Variants in LPIN2 observed in about 807,000 individuals in gnomAD.
LPIN2 encodes the protein lipin 2, also known as phosphatidate phosphatase LPIN2.
Under a neutral mutation model 111.4 loss-of-function variants are expected in LPIN2, and 55 were observed. The ratio of observed to expected loss-of-function variants is 0.49; its 90% CI spans 0.40 to 0.62. The LOEUF is 0.62. Among genes scored for constraint, LPIN2 ranks in the 20% least tolerant of loss-of-function variants. LPIN2 has a pLI of 0.00. For synonymous variants in LPIN2, 425 were observed against 414.0 expected (o/e 1.03, Z -0.32); for missense variants, 992 against 1,112.1 (o/e 0.89, Z 1.54).
rs115314461 is a variant in LPIN2, at chr18:2,939,176, T to C, written c.822+304A>G. On this transcript the variant is annotated intron_variant, in intron 6 of 19. Coordinates refer to ENST00000677752, the MANE Select transcript of LPIN2 (RefSeq NM_001375808.2). The stretch of plus-strand genomic sequence containing the variant: ...AACTCTGTCTCCAAAAAATAAAAAA[T>C]AAAAATTCAGTGTGAAAATTTCAGT... Among the ~76,000 whole-genome samples the C allele has an allele frequency of 0.017, 2,650 of 152,202 alleles. 31 individuals carry two copies. Among genetic ancestry groups the C allele is most frequent in the Middle Eastern group, 0.031 (9 of 294 alleles).
intron 18 of LPIN2, 172 bp from the exon 19 acceptor site, chr18:2,921,053 G>C: frequency 1.5e-6 from 1 of 672,306 alleles, no homozygotes; most frequent in Non-Finnish European, 2.7e-6. Flanking sequence ...AAACTACAGA[G>C]TGGTGCTTGG....
chr18:2,945,490 C>T (rs1384495577), intron 4 of LPIN2: 1 of 895,604 alleles, frequency 1.1e-6, no homozygotes, highest in Non-Finnish European at 1.9e-6. Flanking sequence ...CAAGCCACCA[C>T]TTCACACAGT....
chr18:2,964,496 G>A (rs1282684671), intron 1 of LPIN2, among the ~76,000 whole-genome samples: 1 of 152,084 alleles, frequency 6.6e-6, no homozygotes. Context: ...CCTTCTAAGA[G>A]GAGAAAGAGA....
At chr18:2,999,384 C>T (rs2078395048) in intron 1 of LPIN2, among the ~76,000 whole-genome samples, 1 of 151,238 alleles carries the variant, frequency 6.6e-6, no homozygotes, top group Admixed American at 6.6e-5. Context: ...ATCACGAGGT[C>T]AGGAGATCGA....
At position 2,920,919 on chromosome 18, in the gene LPIN2, G is replaced by T. The variant is rs377133832; in HGVS notation, c.2443-38C>A. On this transcript the variant is annotated intron_variant, in intron 18 of 19. Transcript: ENST00000677752. The stretch of plus-strand genomic sequence containing the variant: ...ATAGCAAGCGGGTGATTCCAGGGAG[G>T]AGAATTCAGGAGATACTTCTCAGGC... The T allele has an allele frequency of 3.3e-4, 429 of 1,307,740 alleles. No homozygotes were observed. Among genetic ancestry groups the T allele is most frequent in the Non-Finnish European group, 4.5e-4 (408 of 901,052 alleles). The allele number at this position is 1,307,740 out of a possible 1,614,324, so 81.0% of individuals were successfully genotyped here. A position where few individuals can be genotyped will look rare whatever the true frequency, so the allele number is the denominator to read the frequency against.
intron 1 of LPIN2, among the ~76,000 whole-genome samples, chr18:2,963,243 C>G (rs1200567489): frequency 6.6e-6 from 1 of 152,220 alleles, no homozygotes; most frequent in Non-Finnish European, 1.5e-5. Context: ...GGGAAAGAGG[C>G]TTCCTCACCG....
intron 4 of LPIN2, chr18:2,946,366 T>A (rs777699604): frequency 1.3e-5 from 20 of 1,499,776 alleles, no homozygotes; most frequent in Non-Finnish European, 1.9e-5. Context: ...TTGTACAGCC[T>A]ACAATGCTTA....
chr18:3,004,064 A>G (rs1334530830), intron 1 of LPIN2, among the ~76,000 whole-genome samples: 1 of 152,196 alleles, frequency 6.6e-6, no homozygotes, highest in Non-Finnish European at 1.5e-5. Flanking sequence ...CAGTACCCTC[A>G]GGCTTACTAG....
At chr18:2,956,079 CAA>C (rs1303961635) in intron 2 of LPIN2, among the ~76,000 whole-genome samples, 2 of 119,744 alleles carry the variant, frequency 1.7e-5, no homozygotes, top group Non-Finnish European at 3.7e-5. Context: ...TTACTCCAAA[CAA>C]ACATTGTGCA....
At chr18:2,967,675 T>G (rs949349722) in intron 1 of LPIN2, 1 of 152,130 alleles carries the variant, frequency 6.6e-6, no homozygotes, top group East Asian at 1.9e-4. Context: ...CTAGGGTAAG[T>G]TGAAAGCAGG....
At chr18:3,007,933 A>C (rs2078541464) in intron 1 of LPIN2, among the ~76,000 whole-genome samples, 1 of 152,240 alleles carries the variant, frequency 6.6e-6, no homozygotes, top group Non-Finnish European at 1.5e-5. Context: ...TCTCCAGTGC[A>C]GCTGAACATA....
intron 1 of LPIN2, among the ~76,000 whole-genome samples, chr18:2,996,337 C>T (rs548791547): frequency 6.6e-6 from 1 of 151,952 alleles, no homozygotes; most frequent in East Asian, 1.9e-4. Flanking sequence ...AGACTTCATC[C>T]CAAAAATAAA....
chr18:2,951,290 C>CA lies in LPIN2; in HGVS notation c.354dup (p.Asp119Ter). 1 of 1,613,964 alleles carries CA rather than the reference C, an allele frequency of 6.2e-7. No homozygotes were observed. Among genetic ancestry groups the CA allele is most frequent in the Non-Finnish European group, 8.5e-7 (1 of 1,179,988 alleles). ...CCACCCGATTTCACCAAAGGGGTGT[C>CA]AATATCTTTAAAGAACTGATCTTCA... is the stretch of plus-strand genomic sequence containing the variant. On this transcript the variant is annotated frameshift_variant, in exon 4 of 20. Coordinates refer to ENST00000677752, the MANE Select transcript of LPIN2 (RefSeq NM_001375808.2). LOFTEE classifies it high-confidence loss of function.
chr18:2,959,513 A>G (rs1229413555), intron 2 of LPIN2, among the ~76,000 whole-genome samples: 2 of 152,188 alleles, frequency 1.3e-5, no homozygotes, highest in African/African-American at 2.4e-5. Context: ...AATGTTGACA[A>G]AGCCTTTCTA....
chr18:2,996,507 T>C (rs2078346873), intron 1 of LPIN2, among the ~76,000 whole-genome samples: 1 of 130,198 alleles, frequency 7.7e-6, no homozygotes, highest in Non-Finnish European at 1.6e-5. Flanking sequence ...AGACAGAGTC[T>C]CTCTCTGTCA....
At chr18:2,969,424 T>C (rs943195935) in intron 1 of LPIN2, among the ~76,000 whole-genome samples, 1 of 152,162 alleles carries the variant, frequency 6.6e-6, no homozygotes, top group Admixed American at 6.5e-5. Flanking sequence ...CAGGATGAGG[T>C]GTGCTTTGGA....
rs561420564 is a variant in LPIN2, at chr18:2,989,439, T to C, written c.-10+23648A>G. On this transcript the variant is annotated intron_variant, in intron 1 of 19. Coordinates refer to ENST00000677752, the MANE Select transcript of LPIN2 (RefSeq NM_001375808.2). ...ATAGAAAGACATCCGTGTTCGTGAA[T>C]AGGAAGACTCAATATTGTTAAGATG... Among the ~76,000 whole-genome samples the C allele has an allele frequency of 2.0e-5, 3 of 152,220 alleles. No individual in the cohort carries two copies. The East Asian group carries it at 5.8e-4, about 29-fold the overall frequency.
intron 4 of LPIN2, among the ~76,000 whole-genome samples, chr18:2,943,256 G>T (rs542336337): frequency 6.7e-6 from 1 of 149,668 alleles, no homozygotes; most frequent in African/African-American, 2.5e-5. Context: ...TAACTTTTTT[G>T]ACAAACCGAT....
intron 7 of LPIN2, among the ~76,000 whole-genome samples, chr18:2,935,997 C>G (rs754200956): frequency 2.0e-5 from 3 of 152,164 alleles, no homozygotes; most frequent in Non-Finnish European, 2.9e-5. Context: ...GGATTTCCCC[C>G]CTTAACATTT....
Sources: allele counts gnomAD v4.1 joint callset (sites outside exome capture counted in the v4.1 genomes callset), GRCh38; gene constraint gnomAD v4.1.1; transcripts MANE v1.5; gene names NCBI Gene and HGNC (gene_info 2026-07-23, HGNC 2026-07-21).